STEAP3: variants seen among roughly 807,000 people sequenced by gnomAD.
STEAP3 encodes the protein STEAP3 metalloreductase.
In STEAP3, 35 loss-of-function variants were observed where a neutral mutation model predicts 34.9. That is an observed-to-expected ratio of 1.00 (90% CI 0.76 to 1.33). The LOEUF is 1.33. Among genes scored for constraint, STEAP3 ranks in the 40% most tolerant of loss-of-function variants. The pLI, the probability that STEAP3 is intolerant of heterozygous loss-of-function variation, is 0.00. For missense variants in STEAP3, 652 were observed against 667.6 expected (o/e 0.98, Z 0.26); for synonymous variants, 281 against 301.6 (o/e 0.93, Z 0.71).
intron 5 of STEAP3, among the ~76,000 whole-genome samples, chr2:119,258,449 T>G (rs560543151): frequency 6.6e-6 from 1 of 152,264 alleles, no homozygotes; most frequent in Admixed American, 6.5e-5. Context: ...GAAGTCTCTC[T>G]GGTTTGAACA....
chr2:119,252,997 A>C (rs1677670503), intron 4 of STEAP3, among the ~76,000 whole-genome samples: 1 of 152,236 alleles, frequency 6.6e-6, no homozygotes, highest in Non-Finnish European at 1.5e-5. Context: ...AACAACTTCC[A>C]GCGAGGAGAT....
At chr2:119,255,635 C>T (rs1340230022) in intron 5 of STEAP3, among the ~76,000 whole-genome samples, 3 of 151,982 alleles carry the variant, frequency 2.0e-5, no homozygotes, top group Non-Finnish European at 4.4e-5. Context: ...TGGCTGGGAT[C>T]CCAGCTACTA....
At position 119,247,901 on chromosome 2, in the gene STEAP3, T is replaced by C. The variant is rs1338906939; in HGVS notation, c.745T>C (p.Tyr249His). The C allele has an allele frequency of 8.7e-6, 14 of 1,613,904 alleles. No individual in the cohort carries two copies. Among genetic ancestry groups the C allele is most frequent in the Non-Finnish European group, 1.2e-5 (14 of 1,179,990 alleles). The change falls in exon 4 of 6, where the codon TAT becomes CAT. Residue 249 changes from tyrosine to histidine, a missense_variant. Transcript: ENST00000393110. ...CTTCGTCCGGGACGTTCTGCAGCCC[T>C]ATGTGCAGGAAAGCCAGAACAAGTT... ...YNFVRDVLQP[Y>H]VQESQNKFFK...
At chr2:119,242,590 C>CCGGCA (rs1677280785) in intron 2 of STEAP3, among the ~76,000 whole-genome samples, 1 of 152,188 alleles carries the variant, frequency 6.6e-6, no homozygotes. Context: ...GGCCCTACTG[C>CCGGCA]TGGCACGGAG....
intron 4 of STEAP3, among the ~76,000 whole-genome samples, chr2:119,251,348 G>T (rs1677620800): frequency 6.6e-6 from 1 of 152,180 alleles, no homozygotes; most frequent in Non-Finnish European, 1.5e-5. Context: ...AGATTAGGAG[G>T]CAAAGGTGTA....
rs76744362 is a variant in STEAP3 at position 119,254,042 on chromosome 2, G to A, written c.1051-642G>A. On this transcript the variant is annotated intron_variant, in intron 4 of 5. Transcript: ENST00000393110. ...GAGGGGAGGCTGAGAGCTTTGGGTC[G>A]GGGAGTGTTGGGGGCTCAGTGTCTG... Among the ~76,000 whole-genome samples the A allele has an allele frequency of 3.3e-3, 498 of 151,016 alleles. 4 individuals are homozygous for A. The highest frequency in any genetic ancestry group is 0.012 in the African/African-American group (479 of 40,744).
Position 119,236,149 on chromosome 2 carries a change from G to T in STEAP3, c.22+5115G>T, listed in dbSNP as rs1275350689. On this transcript the variant is annotated intron_variant, in intron 2 of 5. Coordinates refer to ENST00000393110, the MANE Select transcript of STEAP3 (RefSeq NM_182915.3). ...TTTTCCATTAGGCAGAGAACACCGT[G>T]TATTGATTTGGGTGCATCTATTTCT... Among the ~76,000 whole-genome samples the T allele has an allele frequency of 2.0e-5, 3 of 152,326 alleles. No homozygotes were observed. The South Asian group carries it at 6.2e-4, about 32-fold the overall frequency.
chr2:119,258,774 A>ATTTT (rs57860527), intron 5 of STEAP3, among the ~76,000 whole-genome samples: 1 of 121,050 alleles, frequency 8.3e-6, no homozygotes, highest in Non-Finnish European at 1.7e-5. Flanking sequence ...CACCTGGCTA[A>ATTTT]TTTTTTTTTT....
chr2:119,252,784 C>T (rs1466310393), intron 4 of STEAP3, among the ~76,000 whole-genome samples: 2 of 152,126 alleles, frequency 1.3e-5, no homozygotes, highest in African/African-American at 2.4e-5. Flanking sequence ...CGGGTCTTTG[C>T]CATCCACTGC....
At chr2:119,256,413 C>T (rs1455714230) in intron 5 of STEAP3, among the ~76,000 whole-genome samples, 5 of 152,296 alleles carry the variant, frequency 3.3e-5, no homozygotes, top group Admixed American at 2.0e-4. Flanking sequence ...TTCCTCTTCC[C>T]ACCTGGAGTA....
intron 1 of STEAP3, among the ~76,000 whole-genome samples, chr2:119,229,325 T>G (rs967789075): frequency 6.6e-6 from 1 of 152,106 alleles, no homozygotes; most frequent in Non-Finnish European, 1.5e-5. Context: ...GTATTATTAG[T>G]TCACCTAAGC....
chr2:119,224,999 C>A (rs977821963), intron 1 of STEAP3, among the ~76,000 whole-genome samples: 1 of 152,190 alleles, frequency 6.6e-6, no homozygotes, highest in Non-Finnish European at 1.5e-5. Context: ...CCCAGAGGAA[C>A]CTACCACTGG....
chr2:119,228,743 G>A (rs1679117672), intron 1 of STEAP3, among the ~76,000 whole-genome samples: 1 of 152,148 alleles, frequency 6.6e-6, no homozygotes, highest in Non-Finnish European at 1.5e-5. Flanking sequence ...TTCCATTGGG[G>A]CTGCCGCTTA....
At chr2:119,251,837 T>C (rs1677635884) in intron 4 of STEAP3, among the ~76,000 whole-genome samples, 3 of 152,184 alleles carry the variant, frequency 2.0e-5, no homozygotes, top group African/African-American at 7.2e-5. Flanking sequence ...CAAACTCCTA[T>C]TCCTCCTTCA....
chr2:119,228,191 G>A (rs1224799987), intron 1 of STEAP3, among the ~76,000 whole-genome samples: 2 of 152,148 alleles, frequency 1.3e-5, no homozygotes, highest in African/African-American at 4.8e-5. Flanking sequence ...GGAGTGGTGC[G>A]TGATTTTCCT....
chr2:119,248,364 T>C, intron 4 of STEAP3, 158 bp downstream of exon 4: 1 of 797,832 alleles, frequency 1.3e-6, no homozygotes, highest in Non-Finnish European at 1.9e-6. Context: ...CACATCCTCC[T>C]GCCCAAGATT....
At position 119,254,602 on chromosome 2, in the gene STEAP3, C is replaced by A; in HGVS notation, c.1051-82C>A. The A allele has an allele frequency of 3.9e-6, 6 of 1,554,798 alleles. 1 individual carries two copies. The South Asian group carries it at 6.8e-5, about 18-fold the overall frequency. On this transcript the variant is annotated intron_variant, in intron 4 of 5. Coordinates refer to ENST00000393110, the MANE Select transcript of STEAP3 (RefSeq NM_182915.3). ...GCAGTGTGAGCGCCCGCCGTCTTGT[C>A]TTTCTTGTGTCCTTCATCATTGCCC... is the stretch of plus-strand genomic sequence containing the variant.
intron 5 of STEAP3, 130 bp downstream of exon 5, chr2:119,254,978 C>T: frequency 8.3e-7 from 1 of 1,203,310 alleles, no homozygotes; most frequent in Non-Finnish European, 1.2e-6. Context: ...GGTGAGATGC[C>T]AGGCCTTCCT....
At chr2:119,256,516 C>A (rs2104842602) in intron 5 of STEAP3, among the ~76,000 whole-genome samples, 1 of 152,332 alleles carries the variant, frequency 6.6e-6, no homozygotes, top group South Asian at 2.1e-4. Flanking sequence ...AGATTACATG[C>A]CCTGGCTCTG....
Sources: allele counts gnomAD v4.1 joint callset (sites outside exome capture counted in the v4.1 genomes callset), GRCh38; gene constraint gnomAD v4.1.1; transcripts MANE v1.5; gene names NCBI Gene and HGNC (gene_info 2026-07-23, HGNC 2026-07-21).